The following FSTL5 variants were observed in gnomAD, a reference collection of about 807,000 sequenced individuals.
FSTL5 encodes the protein follistatin like 5.
Under a neutral mutation model 89.1 loss-of-function variants are expected in FSTL5, and 62 were observed. That is an observed-to-expected ratio of 0.70 (90% confidence interval 0.57 to 0.86). The LOEUF (loss-of-function observed/expected upper bound fraction) is 0.86, where lower values mean the gene tolerates loss of function less well. Ranked by LOEUF, FSTL5 falls within the 40% of genes least tolerant of loss-of-function variation. FSTL5 has a pLI of 0.00. For missense variants in FSTL5, 1,057 were observed against 1,001.6 expected (o/e 1.06, Z -0.75); for synonymous variants, 383 against 346.2 (o/e 1.11, Z -1.18).
chr4:161,930,785 CTTTG>C (rs1734264518), intron 3 of FSTL5, among the ~76,000 whole-genome samples: 1 of 151,994 alleles, frequency 6.6e-6, no homozygotes, highest in South Asian at 2.1e-4. Context: ...TCTCCAAAAA[CTTTG>C]TTTATCCCTT....
intron 3 of FSTL5, among the ~76,000 whole-genome samples, chr4:162,019,043 G>A (rs973677044): frequency 5.9e-5 from 9 of 151,904 alleles, no homozygotes; most frequent in Admixed American, 4.6e-4. Context: ...AATATTATTC[G>A]TGTTATTTGG....
At chr4:161,783,702 T>C (rs184562979) in intron 4 of FSTL5, among the ~76,000 whole-genome samples, 1,286 of 25,014 alleles carry the variant, frequency 0.051, 2 homozygotes, top group Non-Finnish European at 0.062. Context: ...TTTCTTTCTT[T>C]CTTTCTTTCT....
intron 6 of FSTL5, among the ~76,000 whole-genome samples, chr4:161,705,753 A>G (rs1738543073): frequency 6.6e-6 from 1 of 151,412 alleles, no homozygotes; most frequent in South Asian, 2.1e-4. Context: ...GTTAAAAGGT[A>G]CAGAAAATAC....
chr4:161,910,057 C>T (rs1579186520), intron 4 of FSTL5, among the ~76,000 whole-genome samples: 1 of 152,142 alleles, frequency 6.6e-6, no homozygotes, highest in Admixed American at 6.6e-5. Flanking sequence ...TACCCATAGC[C>T]TTAAACTTTC....
chr4:161,615,796 T>C (rs1256216625), intron 7 of FSTL5, among the ~76,000 whole-genome samples: 3 of 152,184 alleles, frequency 2.0e-5, no homozygotes, highest in Non-Finnish European at 4.4e-5. Context: ...GTATTCTTCA[T>C]TATTCACAGG....
chr4:161,860,219 C>T (rs13140142), intron 4 of FSTL5, among the ~76,000 whole-genome samples: 108,167 of 151,076 alleles, frequency 0.72, 39,357 homozygotes, highest in East Asian at 0.81. Context: ...ACCCGGGAGG[C>T]GGAGCTTGCA....
Position 161,492,435 on chromosome 4 carries a change from T to A in FSTL5, c.1458+7581A>T, listed in dbSNP as rs191676520. Among the ~76,000 whole-genome samples, 268 of 152,286 alleles carry A rather than the reference T, an allele frequency of 1.8e-3. 1 individual carries two copies. The highest frequency in any genetic ancestry group is 2.6e-3 in the Non-Finnish European group (176 of 68,006). ...AAACATAAATGTTATGTATGTCTAT[T>A]ATTAACTTTTAGTATAACTTTCTGT... On this transcript the variant is annotated intron_variant, in intron 12 of 15. Coordinates refer to ENST00000306100, the MANE Select transcript of FSTL5 (RefSeq NM_020116.5).
At chr4:161,999,905 G>A (rs1354379350) in intron 3 of FSTL5, among the ~76,000 whole-genome samples, 1 of 152,152 alleles carries the variant, frequency 6.6e-6, no homozygotes, top group Non-Finnish European at 1.5e-5. Context: ...ATTCACCTCC[G>A]ATTTCCCAAG....
In FSTL5 at chr4:162,033,497, T is replaced by C. The variant is rs1294881850; in HGVS notation, c.160+128A>G. 5.2e-6 allele frequency: 3 copies of C among 577,408 alleles called. No homozygotes were observed. In the East Asian group the frequency reaches 9.4e-5, roughly 18 times the overall value. The allele number at this position is 577,408 out of a possible 1,614,324, so 35.8% of individuals were successfully genotyped here. ...CATAGGGCTCAAAATGGCTGTAAAA[T>C]CACACTGAATATTTTTAATTATCAT... is the stretch of plus-strand genomic sequence containing the variant. On this transcript the variant is annotated intron_variant, in intron 3 of 15. Transcript: ENST00000306100.
intron 3 of FSTL5, among the ~76,000 whole-genome samples, chr4:161,992,858 AAAAATATAT>A (rs1736153151): frequency 1.7e-4 from 2 of 11,522 alleles, no homozygotes; most frequent in Non-Finnish European, 3.2e-4. Flanking sequence ...AAAAAAAAAA[AAAAATATAT>A]ATATATATAT....
intron 3 of FSTL5, among the ~76,000 whole-genome samples, chr4:162,000,383 G>T (rs1736425057): frequency 6.6e-6 from 1 of 152,040 alleles, no homozygotes; most frequent in Admixed American, 6.6e-5. Context: ...CTGAGGTCAG[G>T]AGTTTGAGAC....
intron 8 of FSTL5, among the ~76,000 whole-genome samples, chr4:161,584,427 A>C (rs2126603607): frequency 6.6e-6 from 1 of 152,308 alleles, no homozygotes; most frequent in Middle Eastern, 3.4e-3. Context: ...TTGTTACTAT[A>C]ATTATCCTTT....
intron 3 of FSTL5, among the ~76,000 whole-genome samples, chr4:161,987,656 TA>T (rs1361800813): frequency 6.7e-6 from 1 of 148,436 alleles, no homozygotes; most frequent in Non-Finnish European, 1.5e-5. Flanking sequence ...TTTATTGAAA[TA>T]TATATATAAT....
At chr4:161,914,739 T>C (rs928789998) in intron 4 of FSTL5, among the ~76,000 whole-genome samples, 14 of 152,160 alleles carry the variant, frequency 9.2e-5, no homozygotes, top group South Asian at 4.1e-4. Context: ...TATAACTGAA[T>C]ATAAACTCAA....
chr4:161,704,430 A>G (rs557802198), intron 6 of FSTL5, among the ~76,000 whole-genome samples: 1 of 152,074 alleles, frequency 6.6e-6, no homozygotes, highest in African/African-American at 2.4e-5. Flanking sequence ...GGCAAAATAC[A>G]CTTTCTAAAT....
At chr4:161,602,767 G>A (rs1276797475) in intron 7 of FSTL5, among the ~76,000 whole-genome samples, 10 of 152,156 alleles carry the variant, frequency 6.6e-5, no homozygotes, top group Non-Finnish European at 1.0e-4. Flanking sequence ...GAAGCAGGGG[G>A]TGGGGAGAAT....
intron 8 of FSTL5, among the ~76,000 whole-genome samples, chr4:161,551,185 T>A (rs1225917244): frequency 6.7e-6 from 1 of 149,906 alleles, no homozygotes; most frequent in Non-Finnish European, 1.5e-5. Context: ...GTTGAACTAG[T>A]TTACAGTCCC....
At chr4:161,977,633 A>ATAAT (rs751132063) in intron 3 of FSTL5, among the ~76,000 whole-genome samples, 20,307 of 112,006 alleles carry the variant, frequency 0.18, 2,093 homozygotes, top group Non-Finnish European at 0.23. Flanking sequence ...AAAAAAAAAA[A>ATAAT]AAAAAAAATA....
At chr4:161,787,145 T>C (rs549738560) in intron 4 of FSTL5, among the ~76,000 whole-genome samples, 1 of 152,244 alleles carries the variant, frequency 6.6e-6, no homozygotes, top group Admixed American at 6.5e-5. Context: ...CTAATGTTGA[T>C]ATTCAATATA....
Sources: gnomAD v4.1 joint callset for allele counts (sites outside exome capture counted in the v4.1 genomes callset) on GRCh38, gnomAD v4.1.1 for gene constraint, MANE v1.5 for transcripts, NCBI Gene and HGNC (gene_info 2026-07-23, HGNC 2026-07-21) for gene names.